Variants in CACNA2D1 observed in about 807,000 individuals in gnomAD.
CACNA2D1 encodes the protein calcium voltage-gated channel auxiliary subunit alpha2delta 1, also known as voltage-dependent calcium channel subunit alpha-2/delta-1.
A neutral mutation model predicts 171.5 loss-of-function variants in CACNA2D1; 53 were observed. The ratio of observed to expected loss-of-function variants is 0.31; its 90% CI spans 0.25 to 0.39. The LOEUF (loss-of-function observed/expected upper bound fraction) is 0.39, where lower values mean the gene tolerates loss of function less well. Among genes scored for constraint, CACNA2D1 ranks in the 10% least tolerant of loss-of-function variants. The pLI, the probability that CACNA2D1 is intolerant of heterozygous loss-of-function variation, is 1.00. For synonymous variants in CACNA2D1, 442 were observed against 443.1 expected, an observed-to-expected ratio of 1.00 and a Z score of 0.03; for missense variants, 903 against 1,299.8, an observed-to-expected ratio of 0.69 and a Z score of 4.69.
intron 11 of CACNA2D1, among the ~76,000 whole-genome samples, chr7:82,037,075 A>G (rs1803366430): frequency 6.6e-6 from 1 of 152,208 alleles, no homozygotes; most frequent in Non-Finnish European, 1.5e-5. Flanking sequence ...ACATGATAAT[A>G]ATATTGCCTA....
rs1174278503 is a variant in CACNA2D1, at chr7:82,137,707, TAAAAAAAA to T, written c.355-1039_355-1032del. Among the ~76,000 whole-genome samples, 291 of 78,834 alleles carry T rather than the reference TAAAAAAAA, an allele frequency of 3.7e-3. 9 individuals are homozygous for T. Among genetic ancestry groups the T allele is most frequent in the African/African-American group, 0.015 (279 of 18,762 alleles). 51.7% of individuals were successfully genotyped at this position (78,834 alleles called of 152,430 possible). On this transcript the variant is annotated intron_variant, in intron 4 of 38. Coordinates refer to ENST00000356860, the MANE Select transcript of CACNA2D1 (RefSeq NM_000722.4). ...TAATACAGTGAAACTCCGTCTCTACTAAAAAAAAAAAAAAAAAAAAAAATTAGCCGGGC... is the reference window on the plus strand; with the variant it reads ...TAATACAGTGAAACTCCGTCTCTACTAAAAAAAAAAAAAAATTAGCCGGGC...
chr7:82,337,975 G>A (rs1818195727), intron 2 of CACNA2D1, among the ~76,000 whole-genome samples: 2 of 152,030 alleles, frequency 1.3e-5, no homozygotes, highest in Admixed American at 1.3e-4. Context: ...TCTCTGTGAT[G>A]ACAACCTAGA....
chr7:82,053,162 GA>G (rs1317302500), intron 10 of CACNA2D1, among the ~76,000 whole-genome samples: 1 of 148,894 alleles, frequency 6.7e-6, no homozygotes, highest in Non-Finnish European at 1.5e-5. Flanking sequence ...TGAGGCAGGA[GA>G]ATGGCGTGAA....
Position 82,077,533 on chromosome 7 carries a change from G to A in CACNA2D1, c.658+7236C>T, listed in dbSNP as rs78621190. On this transcript the variant is annotated intron_variant, in intron 7 of 38. Coordinates refer to ENST00000356860, the MANE Select transcript of CACNA2D1 (RefSeq NM_000722.4). ...AGTTTCCCTACCTGCCCCAGTCTAC[G>A]TTAACTCTGATTGACATGAGTAAAA... is the stretch of plus-strand genomic sequence containing the variant. Among the ~76,000 whole-genome samples, 834 of 152,148 alleles carry A rather than the reference G, an allele frequency of 5.5e-3. 6 individuals carry two copies. Among genetic ancestry groups the A allele is most frequent in the African/African-American group, 0.019 (801 of 41,514 alleles).
chr7:81,974,557 A>G lies in CACNA2D1; in HGVS notation c.1956-5T>C. On this transcript the variant is annotated splice_polypyrimidine_tract_variant and splice_region_variant and intron_variant, in intron 24 of 38. Transcript: ENST00000356860. ...TTCAGGTCATTGCAGTAATCTCTGA[A>G]AAAAAAACATTTTGAGATATTAGAT... 7.1e-7 allele frequency: 1 copy of G among 1,398,634 alleles called. No homozygotes were observed. Among genetic ancestry groups the G allele is most frequent in the Non-Finnish European group, 1.0e-6 (1 of 988,764 alleles). 86.6% of individuals were successfully genotyped at this position (1,398,634 alleles called of 1,614,324 possible).
At chr7:81,991,302 G>A (rs552098113) in intron 20 of CACNA2D1, 56 bp from the exon 21 acceptor site, 362 of 865,170 alleles carry the variant, frequency 4.2e-4, no homozygotes, top group Non-Finnish European at 5.1e-4. Flanking sequence ...GAATATATAC[G>A]AAAAGTAAAG....
At position 82,320,244 on chromosome 7, in the gene CACNA2D1, C is replaced by G. The variant is rs569126993; in HGVS notation, c.294+14891G>C. 3.9e-5 allele frequency among the ~76,000 whole-genome samples: 6 copies of G among 152,156 alleles called. No homozygotes were observed. In the East Asian group the frequency reaches 9.6e-4, roughly 24 times the overall value. ...ATCATTTAAAATTAAGTCCTACTTA[C>G]AGAACCATATTTAACTTATTATACT... On this transcript the variant is annotated intron_variant, in intron 3 of 38. Coordinates refer to ENST00000356860, the MANE Select transcript of CACNA2D1 (RefSeq NM_000722.4).
At chr7:82,407,426 ACT>A (rs1487386467) in intron 1 of CACNA2D1, among the ~76,000 whole-genome samples, 1 of 152,186 alleles carries the variant, frequency 6.6e-6, no homozygotes, top group Non-Finnish European at 1.5e-5. Flanking sequence ...AAAGACTACT[ACT>A]GTTATTTATT....
chr7:81,992,084 C>A (rs1797608045), intron 20 of CACNA2D1, among the ~76,000 whole-genome samples: 1 of 151,260 alleles, frequency 6.6e-6, no homozygotes, highest in African/African-American at 2.4e-5. Flanking sequence ...ACCTCGTGAT[C>A]CACCCGCCTC....
At chr7:82,426,217 C>T (rs1335129611) in intron 1 of CACNA2D1, among the ~76,000 whole-genome samples, 1 of 151,378 alleles carries the variant, frequency 6.6e-6, no homozygotes, top group African/African-American at 2.4e-5. Flanking sequence ...ATTCACTGAA[C>T]CTTAAATTAG....
chr7:82,046,054 T>C (rs776339492), intron 10 of CACNA2D1, among the ~76,000 whole-genome samples: 7 of 152,194 alleles, frequency 4.6e-5, no homozygotes, highest in Admixed American at 2.0e-4. Context: ...CAAATTAAAA[T>C]TGCTCTCATG....
At chr7:82,391,433 A>T (rs1825108292) in intron 1 of CACNA2D1, among the ~76,000 whole-genome samples, 1 of 152,210 alleles carries the variant, frequency 6.6e-6, no homozygotes, top group African/African-American at 2.4e-5. Context: ...CTAAATCAGA[A>T]GCTCAGATTA....
intron 3 of CACNA2D1, among the ~76,000 whole-genome samples, chr7:82,301,419 C>T (rs1227396583): frequency 6.6e-6 from 1 of 152,026 alleles, no homozygotes; most frequent in African/African-American, 2.4e-5. Flanking sequence ...GCCACCGTGC[C>T]CAGCCAGGTT....
chr7:82,081,297 A>C (rs2129006469), intron 7 of CACNA2D1, among the ~76,000 whole-genome samples: 1 of 152,304 alleles, frequency 6.6e-6, no homozygotes, highest in South Asian at 2.1e-4. Flanking sequence ...AGTCTCCCCA[A>C]AAATTTTTTA....
intron 10 of CACNA2D1, among the ~76,000 whole-genome samples, chr7:82,049,866 C>A (rs752766487): frequency 6.6e-6 from 1 of 152,160 alleles, no homozygotes; most frequent in Non-Finnish European, 1.5e-5. Context: ...AGAAATTATT[C>A]TCTTAGATTT....
chr7:82,192,434 G>A, intron 3 of CACNA2D1, among the ~76,000 whole-genome samples: 1 of 148,142 alleles, frequency 6.8e-6, no homozygotes, highest in Admixed American at 6.8e-5. Flanking sequence ...CTATATGTCT[G>A]TGTGTGTGTG....
intron 4 of CACNA2D1, among the ~76,000 whole-genome samples, chr7:82,157,678 C>T (rs1040916747): frequency 2.6e-5 from 4 of 151,958 alleles, no homozygotes; most frequent in African/African-American, 9.7e-5. Context: ...ATGATCTAGT[C>T]ATTTTCAGCA....
rs141276302 is a variant in CACNA2D1, at chr7:82,319,377, A to G, written c.294+15758T>C. Reference sequence around the variant, plus strand: ...AATTATACATTATATTCATCTTTTTATCTAAACTAAAAAATACCCATTTGA... The same window carrying G: ...AATTATACATTATATTCATCTTTTTGTCTAAACTAAAAAATACCCATTTGA... On this transcript the variant is annotated intron_variant, in intron 3 of 38. Transcript: ENST00000356860. Among the ~76,000 whole-genome samples the G allele has an allele frequency of 8.9e-3, 1,354 of 152,306 alleles. 10 individuals are homozygous for G. The highest frequency in any genetic ancestry group is 0.016 in the Admixed American group (252 of 15,300).
Position 82,182,530 on chromosome 7 carries a change from C to G in CACNA2D1, c.295-11921G>C, listed in dbSNP as rs1181358566. On this transcript the variant is annotated intron_variant, in intron 3 of 38. Transcript: ENST00000356860. ...TGTAGTATAATAGGGTAAGAAGTAC[C>G]TTTGAAAATTATTTTTGGTACTTTT... 3.3e-5 allele frequency among the ~76,000 whole-genome samples: 5 copies of G among 150,196 alleles called. No homozygotes were observed. In the East Asian group the frequency reaches 9.8e-4, roughly 29 times the overall value.
Sources: allele counts gnomAD v4.1 joint callset (sites outside exome capture counted in the v4.1 genomes callset), GRCh38; gene constraint gnomAD v4.1.1; transcripts MANE v1.5; gene names NCBI Gene and HGNC (gene_info 2026-07-23, HGNC 2026-07-21).